Variants in HSF2BP observed in about 807,000 individuals in gnomAD.
HSF2BP encodes heat shock factor 2-binding protein.
In HSF2BP, 35 loss-of-function variants were observed where a neutral mutation model predicts 35.0. The ratio of observed to expected loss-of-function variants is 1.00; its 90% confidence interval spans 0.76 to 1.32. HSF2BP has a LOEUF of 1.32. Ranked by LOEUF, HSF2BP falls within the 40% of genes most tolerant of loss-of-function variation. The pLI is 0.00. For missense variants in HSF2BP, 326 were observed against 321.7 expected, an observed-to-expected ratio of 1.01 and a Z score of -0.10; for synonymous variants, 114 against 117.4, an observed-to-expected ratio of 0.97 and a Z score of 0.18.
intron 4 of HSF2BP, among the ~76,000 whole-genome samples, chr21:43,639,946 C>T (rs1399693862): frequency 6.6e-6 from 1 of 152,120 alleles, no homozygotes; most frequent in Non-Finnish European, 1.5e-5. Context: ...CATATACATA[C>T]CATGGAATAT....
Position 43,658,232 on chromosome 21 carries a change from G to T in HSF2BP, c.-136C>A, listed in dbSNP as rs2082908099. 2 of 1,056,044 alleles carry T rather than the reference G, an allele frequency of 1.9e-6. No individual in the cohort carries two copies. Among genetic ancestry groups the T allele is most frequent in the Non-Finnish European group, 2.6e-6 (2 of 760,712 alleles). 65.4% of individuals were successfully genotyped at this position (1,056,044 alleles called of 1,614,324 possible). The stretch of plus-strand genomic sequence containing the variant: ...CAGGCCCAAACCTCCCAGAATTTGC[G>T]CAGTATTCTCGGCCTAGAGAGCGAG... On this transcript the variant is annotated 5_prime_UTR_variant, in exon 2 of 9. Coordinates refer to ENST00000291560, the MANE Select transcript of HSF2BP (RefSeq NM_007031.2).
Position 43,590,568 on chromosome 21 carries a change from A to C in HSF2BP, c.796+1657T>G, listed in dbSNP as rs947207030. 1.3e-5 allele frequency among the ~76,000 whole-genome samples: 2 copies of C among 152,346 alleles called. 1 individual carries two copies. Among genetic ancestry groups the C allele is most frequent in the South Asian group, 4.1e-4 (2 of 4,830 alleles). On this transcript the variant is annotated intron_variant, in intron 8 of 8. Transcript: ENST00000291560. Reference sequence around the variant, plus strand: ...TTTATGTATAGTAGTCAAAAGCTGGAGACAACCCAAATGTCCATCACTAGC... The same window carrying C: ...TTTATGTATAGTAGTCAAAAGCTGGCGACAACCCAAATGTCCATCACTAGC...
chr21:43,638,803 T>G (rs2082598542), intron 4 of HSF2BP, among the ~76,000 whole-genome samples: 6 of 152,200 alleles, frequency 3.9e-5, no homozygotes. Context: ...ATAAACAAGC[T>G]TACTCTAAAA....
chr21:43,577,185 C>A (rs770743047), intron 8 of HSF2BP, among the ~76,000 whole-genome samples: 5 of 152,170 alleles, frequency 3.3e-5, no homozygotes, highest in Non-Finnish European at 5.9e-5. Context: ...GGTGTCTTCA[C>A]ATTTTAAGAA....
At chr21:43,637,027 G>A (rs1002411738) in intron 4 of HSF2BP, among the ~76,000 whole-genome samples, 2 of 151,806 alleles carry the variant, frequency 1.3e-5, no homozygotes, top group East Asian at 1.9e-4. Context: ...AGTGGCTCAC[G>A]CCTATAATCC....
At chr21:43,595,488 G>A (rs769249598) in intron 7 of HSF2BP, among the ~76,000 whole-genome samples, 8 of 151,524 alleles carry the variant, frequency 5.3e-5, no homozygotes, top group Non-Finnish European at 8.8e-5. Context: ...GCAAGACCCC[G>A]TCTCTGCAAA....
intron 7 of HSF2BP, among the ~76,000 whole-genome samples, chr21:43,607,303 A>C (rs2082147161): frequency 6.6e-6 from 1 of 151,948 alleles, no homozygotes; most frequent in South Asian, 2.1e-4. Flanking sequence ...AAAAAAAAAA[A>C]AGGTTCAAGC....
intron 6 of HSF2BP, among the ~76,000 whole-genome samples, chr21:43,629,260 T>C (rs751740306): frequency 1.3e-5 from 2 of 152,148 alleles, no homozygotes; most frequent in Non-Finnish European, 2.9e-5. Flanking sequence ...CCATTCTAGA[T>C]GCCATTAAGA....
At chr21:43,584,110 C>A (rs918180281) in intron 8 of HSF2BP, among the ~76,000 whole-genome samples, 2 of 144,754 alleles carry the variant, frequency 1.4e-5, no homozygotes, top group African/African-American at 5.2e-5. Flanking sequence ...TGAAGACCTG[C>A]TAAGGGGGAT....
intron 7 of HSF2BP, among the ~76,000 whole-genome samples, chr21:43,607,843 A>C (rs953281824): frequency 6.6e-6 from 1 of 152,232 alleles, no homozygotes; most frequent in Non-Finnish European, 1.5e-5. Context: ...ATAAGCAATG[A>C]GGAAAGGACT....
At chr21:43,468,077 CACACA>C in the HSF2BP span, among the ~76,000 whole-genome samples, 5 of 141,156 alleles carry the variant, frequency 3.5e-5, no homozygotes, top group East Asian at 2.2e-4. Flanking sequence ...CCACAAACCA[CACACA>C]ACACACCACA....
rs556324692 is a variant in HSF2BP, at chr21:43,658,819, GC to G, written c.-224-500del. Reference sequence around the variant, plus strand: ...CTCCGGGGTAGGGGCGCACCGATCTGCCCAAGCCTCTGCAGGCACTGGAGGA... The same window carrying G: ...CTCCGGGGTAGGGGCGCACCGATCTGCCAAGCCTCTGCAGGCACTGGAGGA... On this transcript the variant is annotated intron_variant, in intron 1 of 8. Transcript: ENST00000291560. Among the ~76,000 whole-genome samples, 414 of 152,318 alleles carry G rather than the reference GC, an allele frequency of 2.7e-3. 1 individual carries two copies. Among genetic ancestry groups the G allele is most frequent in the Non-Finnish European group, 4.9e-3 (333 of 68,006 alleles).
At chr21:43,645,682 A>G (rs2082698783) in intron 3 of HSF2BP, among the ~76,000 whole-genome samples, 1 of 152,178 alleles carries the variant, frequency 6.6e-6, no homozygotes, top group South Asian at 2.1e-4. Flanking sequence ...AGCCTCAAAG[A>G]GCCAGGCGCC....
chr21:43,581,818 G>GTTGCGGGAGATGAGGGC (rs2081736847), intron 8 of HSF2BP, among the ~76,000 whole-genome samples: 1 of 152,170 alleles, frequency 6.6e-6, no homozygotes, highest in Non-Finnish European at 1.5e-5. Context: ...AAGGGTCTGT[G>GTTGCGGGAGATGAGGGC]CTGCGGGAGA....
chr21:43,645,778 A>G (rs951223170), intron 3 of HSF2BP, among the ~76,000 whole-genome samples: 2 of 152,280 alleles, frequency 1.3e-5, no homozygotes, highest in African/African-American at 2.4e-5. Context: ...AGAAGCGGGT[A>G]GGGCTTTCGA....
chr21:43,572,222 G>A (rs1348740775), intron 8 of HSF2BP, among the ~76,000 whole-genome samples: 2 of 152,218 alleles, frequency 1.3e-5, no homozygotes, highest in Non-Finnish European at 2.9e-5. Flanking sequence ...AGCTCTGGGA[G>A]TCACGAGGTG....
intron 7 of HSF2BP, among the ~76,000 whole-genome samples, chr21:43,605,856 C>A (rs1418555162): frequency 6.6e-6 from 1 of 151,704 alleles, no homozygotes; most frequent in Non-Finnish European, 1.5e-5. Context: ...CATACACATA[C>A]ACCACACCCA....
chr21:43,612,015 G>A (rs537301359), intron 7 of HSF2BP, among the ~76,000 whole-genome samples: 5 of 152,252 alleles, frequency 3.3e-5, no homozygotes, highest in African/African-American at 7.2e-5. Flanking sequence ...GACCACCCAG[G>A]TCTCAGACTG....
intron 4 of HSF2BP, among the ~76,000 whole-genome samples, chr21:43,636,275 C>T (rs995500705): frequency 4.9e-5 from 7 of 141,582 alleles, no homozygotes; most frequent in East Asian, 2.0e-4. Flanking sequence ...AAAGAAAAAA[C>T]GAAGGGGAAA....
Sources: allele counts gnomAD v4.1 joint callset (sites outside exome capture counted in the v4.1 genomes callset), GRCh38; gene constraint gnomAD v4.1.1; transcripts MANE v1.5; gene names NCBI Gene and HGNC (gene_info 2026-07-23, HGNC 2026-07-21).